The following SYT2 variants were observed in gnomAD, a reference collection of about 807,000 sequenced individuals.
SYT2 encodes the protein synaptotagmin 2, also known as synaptotagmin-2.
In SYT2, 15 loss-of-function variants were observed where a neutral mutation model predicts 39.9. That is an observed-to-expected ratio of 0.38 (90% CI 0.25 to 0.58). The LOEUF is 0.58. Among genes scored for constraint, SYT2 ranks in the 20% least tolerant of loss-of-function variants. The pLI, the probability that SYT2 is intolerant of heterozygous loss-of-function variation, is 0.70. For missense variants in SYT2, 389 were observed against 530.3 expected (o/e 0.73, Z 2.62); for synonymous variants, 181 against 204.5 (o/e 0.89, Z 0.98).
At chr1:202,633,671 A>C (rs568986831) in intron 1 of SYT2, among the ~76,000 whole-genome samples, 2 of 152,276 alleles carry the variant, frequency 1.3e-5, no homozygotes, top group South Asian at 4.1e-4. Context: ...GAAACTTAGG[A>C]TCAATTGTTA....
intron 1 of SYT2, among the ~76,000 whole-genome samples, chr1:202,607,071 T>C (rs1185787385): frequency 1.3e-5 from 2 of 152,288 alleles, no homozygotes; most frequent in Non-Finnish European, 2.9e-5. Context: ...AGCATAAATG[T>C]TGGTCTTCAT....
At position 202,696,948 on chromosome 1, in the gene SYT2, CTGTCATTAGGACAG is replaced by C. The variant is rs1363751570; in HGVS notation, c.-18+13296_-18+13309del. Among the ~76,000 whole-genome samples, 3 of 152,232 alleles carry C rather than the reference CTGTCATTAGGACAG, an allele frequency of 2.0e-5. No homozygotes were observed. The East Asian group carries it at 5.8e-4, about 29-fold the overall frequency. On this transcript the variant is annotated intron_variant, in intron 1 of 8. Coordinates refer to ENST00000367268, the MANE Select transcript of SYT2 (RefSeq NM_177402.5). ...CCCCATCACCTCTCCCCCACCACCT[CTGTCATTAGGACAG>C]TGACCTAAGTCCCAAGCTTTGGTCC...
At position 202,591,241 on chromosome 1, in the gene SYT2, C is replaced by T. The variant is rs1690102279; in HGVS notation, c.*5516G>A. On this transcript the variant is annotated 3_prime_UTR_variant, in exon 9 of 9. Coordinates refer to ENST00000367268, the MANE Select transcript of SYT2 (RefSeq NM_177402.5). The stretch of plus-strand genomic sequence containing the variant: ...TGTGGTTTGTGCAGGGCAAGCCTGC[C>T]TCGCCACCTCTGGCCTCCTCGAATG... 1 of 152,438 alleles carries T rather than the reference C, an allele frequency of 6.6e-6. No homozygotes were observed. The highest frequency in any genetic ancestry group is 2.4e-5 in the African/African-American group (1 of 41,462). 9.4% of individuals were successfully genotyped at this position (152,438 alleles called of 1,614,324 possible).
At chr1:202,701,556 T>A (rs1654121160) in intron 1 of SYT2, among the ~76,000 whole-genome samples, 1 of 152,254 alleles carries the variant, frequency 6.6e-6, no homozygotes, top group East Asian at 1.9e-4. Context: ...TGGCATTTCA[T>A]TATTTACCAA....
intron 1 of SYT2, among the ~76,000 whole-genome samples, chr1:202,695,306 A>ATCGCC (rs1414693306): frequency 6.6e-6 from 1 of 152,186 alleles, no homozygotes; most frequent in Non-Finnish European, 1.5e-5. Flanking sequence ...CATCTGACCC[A>ATCGCC]TCACCTTGAT....
chr1:202,629,698 A>G (rs1354266607), intron 1 of SYT2, among the ~76,000 whole-genome samples: 3 of 152,054 alleles, frequency 2.0e-5, no homozygotes, highest in Non-Finnish European at 2.9e-5. Context: ...GTGAAACCCC[A>G]TCTCTACAAA....
chr1:202,612,711 G>A (rs1453350937), intron 1 of SYT2, among the ~76,000 whole-genome samples: 1 of 152,118 alleles, frequency 6.6e-6, no homozygotes, highest in Non-Finnish European at 1.5e-5. Context: ...TGGGTTCCTT[G>A]CATTTCCATA....
intron 1 of SYT2, among the ~76,000 whole-genome samples, chr1:202,620,458 A>T (rs1368920190): frequency 6.6e-6 from 1 of 151,024 alleles, no homozygotes; most frequent in Non-Finnish European, 1.5e-5. Flanking sequence ...CTTATCCTTT[A>T]TCTTATCCTT....
At chr1:202,663,312 T>C (rs1255782087) in intron 1 of SYT2, among the ~76,000 whole-genome samples, 1 of 152,202 alleles carries the variant, frequency 6.6e-6, no homozygotes, top group African/African-American at 2.4e-5. Flanking sequence ...CATTCTAGCA[T>C]GGACATTCAG....
At chr1:202,654,097 T>C (rs1223303387) in intron 1 of SYT2, among the ~76,000 whole-genome samples, 11 of 152,076 alleles carry the variant, frequency 7.2e-5, no homozygotes, top group Non-Finnish European at 8.8e-5. Flanking sequence ...ATCAATTGAG[T>C]GTTCAGGTCT....
intron 1 of SYT2, among the ~76,000 whole-genome samples, chr1:202,606,305 C>T (rs149706747): frequency 6.6e-6 from 1 of 152,184 alleles, no homozygotes; most frequent in Non-Finnish European, 1.5e-5. Flanking sequence ...GTCTGCCCAA[C>T]TCCAGAGCCT....
At chr1:202,676,068 T>A (rs373379145) in intron 1 of SYT2, among the ~76,000 whole-genome samples, 59 of 152,286 alleles carry the variant, frequency 3.9e-4, no homozygotes, top group African/African-American at 1.4e-3. Flanking sequence ...CAAAGGCCAG[T>A]CTCACTAAGG....
chr1:202,643,163 C>T (rs1346740791), intron 1 of SYT2: 1 of 152,442 alleles, frequency 6.6e-6, no homozygotes, highest in Non-Finnish European at 1.5e-5. Flanking sequence ...CGTTTGGCGA[C>T]CCCGCGTCCG....
chr1:202,625,264 G>A (rs1260680619), intron 1 of SYT2, among the ~76,000 whole-genome samples: 1 of 123,914 alleles, frequency 8.1e-6, no homozygotes, highest in Non-Finnish European at 1.6e-5. Context: ...TGTGTGGCAT[G>A]TAGTAGGGTG....
intron 1 of SYT2, among the ~76,000 whole-genome samples, chr1:202,687,989 C>A (rs1653716059): frequency 6.6e-6 from 1 of 152,178 alleles, no homozygotes; most frequent in Non-Finnish European, 1.5e-5. Flanking sequence ...GGAGGCGGTG[C>A]CCTGGATGAC....
chr1:202,622,838 A>G (rs1649226773), intron 1 of SYT2, among the ~76,000 whole-genome samples: 1 of 152,198 alleles, frequency 6.6e-6, no homozygotes, highest in South Asian at 2.1e-4. Flanking sequence ...TCACAGGCAA[A>G]TATTAATAAA....
chr1:202,594,447 G>A lies in SYT2; in HGVS notation c.*2310C>T, dbSNP rs1302415018. The A allele has an allele frequency of 6.6e-6, 1 of 152,232 alleles. No individual in the cohort carries two copies. Among genetic ancestry groups the A allele is most frequent in the Non-Finnish European group, 1.5e-5 (1 of 68,042 alleles). The allele number at this position is 152,232 out of a possible 1,614,324, so 9.4% of individuals were successfully genotyped here. On this transcript the variant is annotated 3_prime_UTR_variant, in exon 9 of 9. Coordinates refer to ENST00000367268, the MANE Select transcript of SYT2 (RefSeq NM_177402.5). ...GGGATATTGACAAGGGGGTCTCCAT[G>A]AGTGAGTCTGTGGGATATGGGTGAG...
Position 202,595,706 on chromosome 1 carries a change from A to G in SYT2, c.*1051T>C, listed in dbSNP as rs1054457603. On this transcript the variant is annotated 3_prime_UTR_variant, in exon 9 of 9. Transcript: ENST00000367268. ...AACAGAAGCAAAAGCACAATGGGGAATAAATGCAAATGAACTTGGCTGCTT... is the reference window on the plus strand; with the variant it reads ...AACAGAAGCAAAAGCACAATGGGGAGTAAATGCAAATGAACTTGGCTGCTT... 3 of 152,282 alleles carry G rather than the reference A, an allele frequency of 2.0e-5. No individual in the cohort carries two copies. Among genetic ancestry groups the G allele is most frequent in the Non-Finnish European group, 4.4e-5 (3 of 68,058 alleles). The allele number at this position is 152,282 out of a possible 1,614,324, so 9.4% of individuals were successfully genotyped here.
At chr1:202,664,593 C>T (rs1692449281) in intron 1 of SYT2, among the ~76,000 whole-genome samples, 1 of 152,124 alleles carries the variant, frequency 6.6e-6, no homozygotes, top group Admixed American at 6.5e-5. Flanking sequence ...TCAAGTTTTG[C>T]TTGTTTGAAA....
Sources: allele counts gnomAD v4.1 joint callset (sites outside exome capture counted in the v4.1 genomes callset), GRCh38; gene constraint gnomAD v4.1.1; transcripts MANE v1.5; gene names NCBI Gene and HGNC (gene_info 2026-07-23, HGNC 2026-07-21).